Variants in EGLN1 observed in about 807,000 individuals in gnomAD.
EGLN1 encodes the protein egl-9 family hypoxia inducible factor 1, also known as egl nine homolog 1.
Under a neutral mutation model 38.3 loss-of-function variants are expected in EGLN1, and 17 were observed. The observed-to-expected ratio is 0.44, with a 90% CI of 0.30 to 0.67. The LOEUF (loss-of-function observed/expected upper bound fraction) is 0.67, where lower values mean the gene tolerates loss of function less well. Ranked by LOEUF, EGLN1 falls within the 30% of genes least tolerant of loss-of-function variation. The pLI, the probability that EGLN1 is intolerant of heterozygous loss-of-function variation, is 0.08. For synonymous variants in EGLN1, 283 were observed against 257.5 expected (o/e 1.10, Z -0.95); for missense variants, 477 against 603.3 (o/e 0.79, Z 2.19).
At chr1:231,401,577 G>A (rs1308824874) in intron 1 of EGLN1, among the ~76,000 whole-genome samples, 4 of 107,238 alleles carry the variant, frequency 3.7e-5, no homozygotes, top group African/African-American at 1.1e-4. Context: ...CTTCAACCAT[G>A]AAGAGCTAAA....
intron 2 of EGLN1, 64 bp from the exon 3 acceptor site, chr1:231,370,762 G>A (rs1687800444): frequency 1.3e-6 from 2 of 1,560,510 alleles, no homozygotes; most frequent in Admixed American, 3.4e-5. Context: ...AAATTTAGGG[G>A]GAAAAAAAGA....
chr1:231,367,650 T>A lies in EGLN1; in HGVS notation c.1149-14A>T. On this transcript the variant is annotated splice_polypyrimidine_tract_variant and intron_variant, in intron 3 of 4. Coordinates refer to ENST00000366641, the MANE Select transcript of EGLN1 (RefSeq NM_022051.3). ...GTTATTGCGTACCTAAAAGAAAATT[T>A]AGAATAGGATAAGAATGATCACACT... 6.2e-7 allele frequency: 1 copy of A among 1,610,998 alleles called. No homozygotes were observed. The highest frequency in any genetic ancestry group is 1.1e-5 in the South Asian group (1 of 91,026).
At chr1:231,402,591 C>T (rs568784509) in intron 1 of EGLN1, among the ~76,000 whole-genome samples, 4 of 152,064 alleles carry the variant, frequency 2.6e-5, no homozygotes, top group African/African-American at 9.6e-5. Flanking sequence ...CACGCCACCA[C>T]ATCCAACTAA....
Position 231,403,158 on chromosome 1 carries a change from A to G in EGLN1, c.891+17840T>C, listed in dbSNP as rs141114289. Among the ~76,000 whole-genome samples, 1,112 of 152,286 alleles carry G rather than the reference A, an allele frequency of 7.3e-3. 8 individuals carry two copies. Among genetic ancestry groups the G allele is most frequent in the South Asian group, 0.011 (52 of 4,830 alleles). On this transcript the variant is annotated intron_variant, in intron 1 of 4. Coordinates refer to ENST00000366641, the MANE Select transcript of EGLN1 (RefSeq NM_022051.3). ...ATTAAGACCTGCTTTATGGCCTAGC[A>G]CCTGTTGTACCTTGGTAAATGTCTC...
At chr1:231,394,431 T>C (rs1688467131) in intron 1 of EGLN1, among the ~76,000 whole-genome samples, 1 of 149,622 alleles carries the variant, frequency 6.7e-6, no homozygotes, top group African/African-American at 2.4e-5. Context: ...CAGGTTGGAG[T>C]GCAGTGGCGC....
In EGLN1 at chr1:231,421,899, G is replaced by A. The variant is rs754940670; in HGVS notation, c.-11C>T. ...GCTGTCATTGGCCATGGCGGCGGCG[G>A]CGGCGGCGACGGCGACTGCGGCGGC... On this transcript the variant is annotated 5_prime_UTR_variant, in exon 1 of 5. Transcript: ENST00000366641. The surrounding 1 kb of genome is among the most constrained non-coding windows in gnomAD (Gnocchi z 5.5). 8 of 1,412,452 alleles carry A rather than the reference G, an allele frequency of 5.7e-6. No individual in the cohort carries two copies. In the Admixed American group the frequency reaches 2.7e-4, roughly 48 times the overall value. 87.5% of individuals were successfully genotyped at this position (1,412,452 alleles called of 1,614,324 possible). A position where few individuals can be genotyped will look rare whatever the true frequency, so the allele number is the denominator to read the frequency against.
chr1:231,415,288 A>G (rs1209923680), intron 1 of EGLN1, among the ~76,000 whole-genome samples: 2 of 145,966 alleles, frequency 1.4e-5, no homozygotes, highest in Non-Finnish European at 3.0e-5. Context: ...AAAAAAAAAA[A>G]GCGTAAAATA....
chr1:231,388,938 A>G (rs1688300747), intron 1 of EGLN1, among the ~76,000 whole-genome samples: 1 of 152,168 alleles, frequency 6.6e-6, no homozygotes, highest in South Asian at 2.1e-4. Context: ...TACAGGCGTG[A>G]GCCACCGCGC....
At chr1:231,417,472 T>G (rs978871283) in intron 1 of EGLN1, among the ~76,000 whole-genome samples, 1 of 152,148 alleles carries the variant, frequency 6.6e-6, no homozygotes, top group African/African-American at 2.4e-5. Flanking sequence ...CTCCTCTGCA[T>G]TCCTCTTCCT....
chr1:231,389,174 T>C (rs1266341042), intron 1 of EGLN1, among the ~76,000 whole-genome samples: 4 of 152,162 alleles, frequency 2.6e-5, no homozygotes, highest in Admixed American at 2.6e-4. Context: ...ATGGCAAAAA[T>C]CAACCATACT....
intron 3 of EGLN1, among the ~76,000 whole-genome samples, chr1:231,369,921 T>C (rs1421257236): frequency 6.6e-6 from 1 of 152,220 alleles, no homozygotes; most frequent in African/African-American, 2.4e-5. Flanking sequence ...GCATTTTAAT[T>C]GAGTCAGGAT....
Position 231,421,149 on chromosome 1 carries a change from G to A in EGLN1, c.740C>T (p.Ser247Leu), listed in dbSNP as rs1354633033. ...DGQLVSQKSDSSKDIRGDKIT... is the reference protein window; with the variant it reads ...DGQLVSQKSDLSKDIRGDKIT... ...CTTATCGCCTCGGATGTCCTTGGAC[G>A]AGTCACTCTTCTGGCTGACCAGCTG... The change falls in exon 1 of 5, where the codon TCG (serine) becomes TTG (leucine). Residue 247 changes from serine to leucine, a missense_variant. Ser to Leu is a moderately radical substitution (Grantham distance 145). Around this residue, in one of 4 missense-constraint regions of EGLN1, gnomAD observed 119 missense variants for 179.0 expected, o/e 0.66. Coordinates refer to ENST00000366641, the MANE Select transcript of EGLN1 (RefSeq NM_022051.3). The surrounding 1 kb of genome is among the most constrained non-coding windows in gnomAD (Gnocchi z 5.5). The A allele has an allele frequency of 1.2e-6, 2 of 1,614,050 alleles. No homozygotes were observed. The highest frequency in any genetic ancestry group is 1.7e-6 in the Non-Finnish European group (2 of 1,180,040).
At chr1:231,400,818 G>A (rs1284343492) in intron 1 of EGLN1, among the ~76,000 whole-genome samples, 1 of 152,158 alleles carries the variant, frequency 6.6e-6, no homozygotes, top group African/African-American at 2.4e-5. Flanking sequence ...GGGAAGCTGA[G>A]GCGGGTAGAT....
chr1:231,394,598 C>T (rs1326589246), intron 1 of EGLN1, among the ~76,000 whole-genome samples: 5 of 150,452 alleles, frequency 3.3e-5, no homozygotes, highest in African/African-American at 1.2e-4. Context: ...ACCGTGTTAG[C>T]CAGGATGGTC....
At chr1:231,403,114 T>A (rs1291286413) in intron 1 of EGLN1, among the ~76,000 whole-genome samples, 1 of 152,228 alleles carries the variant, frequency 6.6e-6, no homozygotes, top group Non-Finnish European at 1.5e-5. Context: ...ATACTCTGTA[T>A]GATTTCAATC....
chr1:231,369,730 C>G (rs1687768087), intron 3 of EGLN1: 1 of 307,008 alleles, frequency 3.3e-6, no homozygotes, highest in Non-Finnish European at 4.8e-6. Flanking sequence ...AAGCCTGTGC[C>G]TCTTCTTGCC....
chr1:231,413,405 T>G (rs1689001918), intron 1 of EGLN1, among the ~76,000 whole-genome samples: 1 of 152,102 alleles, frequency 6.6e-6, no homozygotes, highest in Admixed American at 6.5e-5. Context: ...TATTTGCTAT[T>G]TAATACCATT....
intron 1 of EGLN1, among the ~76,000 whole-genome samples, chr1:231,389,620 G>A (rs947173145): frequency 6.6e-6 from 1 of 152,152 alleles, no homozygotes; most frequent in Non-Finnish European, 1.5e-5. Flanking sequence ...ACAAAAGAGA[G>A]CATGAAGTAA....
chr1:231,389,013 A>C (rs999117302), intron 1 of EGLN1, among the ~76,000 whole-genome samples: 2 of 152,240 alleles, frequency 1.3e-5, no homozygotes, highest in Non-Finnish European at 2.9e-5. Flanking sequence ...AATCTTATTA[A>C]TGTAACCTTT....
Sources: allele counts gnomAD v4.1 joint callset (sites outside exome capture counted in the v4.1 genomes callset), GRCh38; gene constraint gnomAD v4.1.1; regional missense constraint gnomAD v4.1.1; non-coding constraint Gnocchi (gnomAD v3.1); transcripts MANE v1.5; gene names NCBI Gene and HGNC (gene_info 2026-07-23, HGNC 2026-07-21).